Variants in CDH13 observed in about 807,000 individuals in gnomAD.
CDH13 encodes cadherin 13.
In CDH13, 24 loss-of-function variants were observed where a neutral mutation model predicts 63.8. The observed-to-expected ratio is 0.38, with a 90% CI of 0.27 to 0.53. The LOEUF is 0.53. Among genes scored for constraint, CDH13 ranks in the 20% least tolerant of loss-of-function variants. The pLI, the probability that CDH13 is intolerant of heterozygous loss-of-function variation, is 0.85. For synonymous variants in CDH13, 503 were observed against 355.3 expected, an observed-to-expected ratio of 1.42 and a Z score of -4.67; for missense variants, 1,049 against 903.1, an observed-to-expected ratio of 1.16 and a Z score of -2.07.
intron 1 of CDH13, among the ~76,000 whole-genome samples, chr16:82,840,726 A>T (rs935806227): frequency 6.6e-6 from 1 of 151,806 alleles, no homozygotes; most frequent in Non-Finnish European, 1.5e-5. Context: ...ATAATGGAGC[A>T]GGCTAATTCA....
At chr16:82,643,753 CT>C (rs970731343) in intron 1 of CDH13, among the ~76,000 whole-genome samples, 16 of 152,006 alleles carry the variant, frequency 1.1e-4, no homozygotes, top group Non-Finnish European at 1.5e-5. Flanking sequence ...GTGTTACTGA[CT>C]TTTTTTAAGA....
intron 2 of CDH13, chr16:82,859,269 C>G (rs147980785): frequency 0.017 from 2,544 of 152,324 alleles, 33 homozygotes; most frequent in Non-Finnish European, 0.025. Flanking sequence ...CTAAACTGAT[C>G]AGATGCAGTC....
intron 4 of CDH13, among the ~76,000 whole-genome samples, chr16:83,142,765 T>C (rs1412490349): frequency 1.3e-5 from 2 of 150,138 alleles, no homozygotes; most frequent in East Asian, 2.0e-4. Flanking sequence ...ACTGAATGAA[T>C]GGTCAAAAAA....
At chr16:83,269,349 A>G (rs963425081) in intron 5 of CDH13, among the ~76,000 whole-genome samples, 4 of 152,190 alleles carry the variant, frequency 2.6e-5, no homozygotes, top group South Asian at 2.1e-4. Context: ...ATATTATGCA[A>G]TGCATTACTG....
intron 1 of CDH13, among the ~76,000 whole-genome samples, chr16:82,771,808 G>A (rs979484011): frequency 4.6e-5 from 7 of 152,216 alleles, no homozygotes; most frequent in Admixed American, 4.6e-4. Flanking sequence ...ACTGAGCAAG[G>A]GTGTCATCTC....
chr16:83,636,799 T>C (rs923723160), intron 8 of CDH13, among the ~76,000 whole-genome samples: 9 of 152,182 alleles, frequency 5.9e-5, no homozygotes, highest in South Asian at 2.1e-4. Context: ...CTGGGCCAAA[T>C]GGTGCTTCAA....
chr16:82,969,700 G>A (rs951244623), intron 2 of CDH13, among the ~76,000 whole-genome samples: 2 of 151,866 alleles, frequency 1.3e-5, no homozygotes, highest in South Asian at 2.1e-4. Context: ...AAATGTCTCC[G>A]GACATCGTAA....
chr16:83,582,002 C>G (rs1221766241), intron 7 of CDH13, among the ~76,000 whole-genome samples: 1 of 152,160 alleles, frequency 6.6e-6, no homozygotes, highest in East Asian at 1.9e-4. Context: ...TCTGTCCACA[C>G]TGGCTAAAAG....
At chr16:83,661,403 C>G (rs1443135844) in intron 8 of CDH13, among the ~76,000 whole-genome samples, 1 of 151,348 alleles carries the variant, frequency 6.6e-6, no homozygotes, top group Non-Finnish European at 1.5e-5. Flanking sequence ...GGATCACTTG[C>G]ACTTAGGAGG....
intron 2 of CDH13, among the ~76,000 whole-genome samples, chr16:82,962,923 A>T (rs1432960198): frequency 2.6e-5 from 4 of 152,228 alleles, no homozygotes; most frequent in African/African-American, 9.6e-5. Context: ...GATTAGGGAA[A>T]TGATATATAA....
chr16:83,262,545 A>G (rs1907118326), intron 5 of CDH13, among the ~76,000 whole-genome samples: 1 of 152,234 alleles, frequency 6.6e-6, no homozygotes. Flanking sequence ...TTTACACATT[A>G]AAAGACCTGG....
chr16:82,866,578 G>A (rs956406449), intron 2 of CDH13, among the ~76,000 whole-genome samples: 1 of 151,572 alleles, frequency 6.6e-6, no homozygotes, highest in Non-Finnish European at 1.5e-5. Flanking sequence ...TTAGTACAAA[G>A]AGGGTTTAAC....
At chr16:82,759,944 T>A (rs2034769752) in intron 1 of CDH13, among the ~76,000 whole-genome samples, 2 of 152,196 alleles carry the variant, frequency 1.3e-5, no homozygotes, top group Admixed American at 1.3e-4. Context: ...TACTGTAAGT[T>A]TTCATTTATC....
chr16:83,376,036 A>G (rs1181554895), intron 6 of CDH13, among the ~76,000 whole-genome samples: 1 of 152,188 alleles, frequency 6.6e-6, no homozygotes, highest in Non-Finnish European at 1.5e-5. Flanking sequence ...AGCAGTATCT[A>G]GGTGTTCCAA....
chr16:82,909,982 G>C (rs1206821947), intron 2 of CDH13, among the ~76,000 whole-genome samples: 2 of 152,160 alleles, frequency 1.3e-5, no homozygotes, highest in African/African-American at 4.8e-5. Flanking sequence ...CCTTCTTGGA[G>C]TTAGCTGTGG....
intron 6 of CDH13, among the ~76,000 whole-genome samples, chr16:83,421,752 G>A (rs567652192): frequency 2.0e-4 from 30 of 152,292 alleles, no homozygotes; most frequent in Middle Eastern, 3.4e-3. Flanking sequence ...AATTGGAAAT[G>A]GACTTTGTGG....
At chr16:83,249,168 A>G (rs1257558481) in intron 5 of CDH13, among the ~76,000 whole-genome samples, 1 of 152,200 alleles carries the variant, frequency 6.6e-6, no homozygotes, top group Non-Finnish European at 1.5e-5. Flanking sequence ...AGTTATTAAT[A>G]TATGTCACAC....
chr16:83,514,081 T>C (rs937488844), intron 7 of CDH13, among the ~76,000 whole-genome samples: 2 of 152,264 alleles, frequency 1.3e-5, no homozygotes, highest in Non-Finnish European at 2.9e-5. Flanking sequence ...GTAGTGTCCA[T>C]TACTAATTAA....
At chr16:83,668,160 C>T (rs1416495249) in intron 8 of CDH13, among the ~76,000 whole-genome samples, 2 of 152,130 alleles carry the variant, frequency 1.3e-5, no homozygotes, top group Non-Finnish European at 2.9e-5. Context: ...CTTAGTCTTG[C>T]TTCTGTATGG....
Sources: allele counts gnomAD v4.1 joint callset (sites outside exome capture counted in the v4.1 genomes callset), GRCh38; gene constraint gnomAD v4.1.1; transcripts MANE v1.5; gene names NCBI Gene and HGNC (gene_info 2026-07-23, HGNC 2026-07-21).